MAD1L1: variants seen among roughly 807,000 people sequenced by gnomAD.
MAD1L1 encodes the protein mitotic spindle assembly checkpoint protein MAD1.
Under a neutral mutation model 96.9 loss-of-function variants are expected in MAD1L1, and 95 were observed. That is an observed-to-expected ratio of 0.98 (90% CI 0.83 to 1.16). The LOEUF is 1.16. MAD1L1 is among the 50% of genes most tolerant of loss of function. The probability of loss-of-function intolerance (pLI) is 0.00; values close to 1 mark genes in which losing one functional copy is unlikely to be tolerated. For missense variants in MAD1L1, 1,007 were observed against 954.4 expected (o/e 1.06, Z -0.73); for synonymous variants, 473 against 396.6 (o/e 1.19, Z -2.29).
chr7:2,064,497 G>A (rs1174012730), intron 12 of MAD1L1, among the ~76,000 whole-genome samples: 1 of 152,244 alleles, frequency 6.6e-6, no homozygotes, highest in Admixed American at 6.5e-5. Context: ...GCTGCCTCTG[G>A]GCCAGGAACA....
chr7:2,141,605 A>G (rs1445751144), intron 11 of MAD1L1, among the ~76,000 whole-genome samples: 1 of 152,184 alleles, frequency 6.6e-6, no homozygotes, highest in African/African-American at 2.4e-5. Flanking sequence ...CCGCTCACCC[A>G]GACATCTCCA....
At chr7:1,821,253 C>A (rs1256495329) in intron 18 of MAD1L1, among the ~76,000 whole-genome samples, 1 of 151,934 alleles carries the variant, frequency 6.6e-6, no homozygotes, top group African/African-American at 2.4e-5. Flanking sequence ...CCAAAACGTG[C>A]CAAGATAAAA....
At chr7:2,085,286 T>C (rs1023416850) in intron 11 of MAD1L1, among the ~76,000 whole-genome samples, 2 of 152,166 alleles carry the variant, frequency 1.3e-5, no homozygotes, top group Non-Finnish European at 2.9e-5. Context: ...AAAAGACAAG[T>C]GTAACGGAGC....
chr7:2,065,554 G>A lies in MAD1L1; in HGVS notation c.1218+3640C>T, dbSNP rs536720798. ...CACCAACCCCAGCTTCGGAGGAGGT[G>A]GCCGAGGAACGTGCTCATTCAGCCA... On this transcript the variant is annotated intron_variant, in intron 12 of 18. Transcript: ENST00000265854. Among the ~76,000 whole-genome samples, 727 of 152,322 alleles carry A rather than the reference G, an allele frequency of 4.8e-3. 5 individuals are homozygous for A. The highest frequency in any genetic ancestry group is 6.2e-3 in the Non-Finnish European group (419 of 68,022).
intron 18 of MAD1L1, among the ~76,000 whole-genome samples, chr7:1,850,568 G>C (rs775757490): frequency 6.6e-6 from 1 of 152,192 alleles, no homozygotes; most frequent in East Asian, 1.9e-4. Flanking sequence ...GCTTGACTCC[G>C]GGGAGCTGCA....
chr7:2,152,116 G>GC (rs1313741964), intron 10 of MAD1L1, among the ~76,000 whole-genome samples: 6 of 152,226 alleles, frequency 3.9e-5, no homozygotes, highest in Admixed American at 2.0e-4. Context: ...TTGCCCTGAG[G>GC]CAGAAGGCTG....
In MAD1L1 at chr7:2,119,383, G is replaced by T. The variant is rs1488556910; in HGVS notation, c.1073+29769C>A. 2.6e-5 allele frequency among the ~76,000 whole-genome samples: 4 copies of T among 152,188 alleles called. No individual in the cohort carries two copies. On this transcript the variant is annotated intron_variant, in intron 11 of 18. Coordinates refer to ENST00000265854, the MANE Select transcript of MAD1L1 (RefSeq NM_001013836.2). The surrounding 1 kb of genome is among the most constrained non-coding windows in gnomAD (Gnocchi z 4.6). ...CAGTGGCCCACATGGTTTAGGACGG[G>T]GTGAGAGTCCTCCATCTCCCACCCA...
intron 18 of MAD1L1, among the ~76,000 whole-genome samples, chr7:1,875,405 G>T (rs1018356081): frequency 3.9e-5 from 6 of 152,194 alleles, no homozygotes; most frequent in South Asian, 2.1e-4. Context: ...TAAGAACAAC[G>T]CGAAGTTCTG....
rs1793569251 is a variant in MAD1L1, at chr7:2,220,931, C to T, written c.472-1475G>A. The T allele has an allele frequency of 1.9e-6, 3 of 1,612,226 alleles. No homozygotes were observed. The African/African-American group carries it at 4.0e-5, about 22-fold the overall frequency. ...ATGCAGGGCCGAGCCCACCTGCCCA[C>T]AGGGTCACCCGTGTTGTAGGGGACG... On this transcript the variant is annotated intron_variant, in intron 5 of 18. Coordinates refer to ENST00000265854, the MANE Select transcript of MAD1L1 (RefSeq NM_001013836.2).
intron 12 of MAD1L1, among the ~76,000 whole-genome samples, chr7:2,029,930 AG>A (rs1317779834): frequency 2.0e-5 from 3 of 152,224 alleles, no homozygotes; most frequent in African/African-American, 7.2e-5. Context: ...TAAAAATCCA[AG>A]GAACAGAAAC....
chr7:1,920,745 G>A (rs1237291049), intron 17 of MAD1L1, among the ~76,000 whole-genome samples: 2 of 152,336 alleles, frequency 1.3e-5, no homozygotes, highest in Admixed American at 1.3e-4. Flanking sequence ...AGTCCATGAG[G>A]TGACGGATAC....
At chr7:2,084,183 AG>A (rs1486253569) in intron 11 of MAD1L1, among the ~76,000 whole-genome samples, 13 of 152,232 alleles carry the variant, frequency 8.5e-5, no homozygotes, top group African/African-American at 2.9e-4. Flanking sequence ...AAAATAATTC[AG>A]GAAACACAAT....
chr7:1,913,419 G>C (rs1003104834), intron 17 of MAD1L1, among the ~76,000 whole-genome samples: 3 of 152,226 alleles, frequency 2.0e-5, no homozygotes, highest in African/African-American at 7.2e-5. Context: ...GGAGGAATCC[G>C]CGCGTGCACG....
chr7:2,028,630 A>T (rs1783087971), intron 12 of MAD1L1, among the ~76,000 whole-genome samples: 1 of 152,128 alleles, frequency 6.6e-6, no homozygotes, highest in South Asian at 2.1e-4. Context: ...GGCAGCCCTG[A>T]TGCAGACAAG....
intron 11 of MAD1L1, among the ~76,000 whole-genome samples, chr7:2,104,955 T>C (rs2128553083): frequency 6.6e-6 from 1 of 152,220 alleles, no homozygotes; most frequent in Non-Finnish European, 1.5e-5. Context: ...GCTCACCTCC[T>C]AAATGTTAAA....
chr7:2,149,119 A>T, intron 11 of MAD1L1, 33 bp downstream of exon 11: 1 of 1,606,222 alleles, frequency 6.2e-7, no homozygotes. Flanking sequence ...AAGCAAACGC[A>T]TCCCCACAAG....
chr7:2,154,374 T>C (rs979308387), intron 10 of MAD1L1, among the ~76,000 whole-genome samples: 2 of 152,192 alleles, frequency 1.3e-5, no homozygotes, highest in Non-Finnish European at 2.9e-5. Flanking sequence ...GTTGAGTTAA[T>C]GGGTACGAAC....
rs530751845 is a variant in MAD1L1 at position 2,030,043 on chromosome 7, C to A, written c.1219-15401G>T. ...TACACAGTCCTGTGGACACCGGGCT[C>A]ACCACATTCAGGGAGCAGATGGAAA... On this transcript the variant is annotated intron_variant, in intron 12 of 18. Transcript: ENST00000265854. Among the ~76,000 whole-genome samples, 6 of 152,322 alleles carry A rather than the reference C, an allele frequency of 3.9e-5. No individual in the cohort carries two copies. The East Asian group carries it at 1.2e-3, about 29-fold the overall frequency.
chr7:1,900,203 AC>A (rs1787158004), intron 17 of MAD1L1, among the ~76,000 whole-genome samples: 1 of 152,182 alleles, frequency 6.6e-6, no homozygotes, highest in Admixed American at 6.5e-5. Flanking sequence ...ACACAATGAC[AC>A]CCAGGCTCAC....
Sources: allele counts gnomAD v4.1 joint callset (sites outside exome capture counted in the v4.1 genomes callset), GRCh38; gene constraint gnomAD v4.1.1; non-coding constraint Gnocchi (gnomAD v3.1); transcripts MANE v1.5; gene names NCBI Gene and HGNC (gene_info 2026-07-23, HGNC 2026-07-21).